Variants in PNMT observed in about 807,000 individuals in gnomAD.
PNMT encodes the protein noradrenaline N-methyltransferase.
A neutral mutation model predicts 18.9 loss-of-function variants in PNMT; 18 were observed. The observed-to-expected ratio is 0.95, with a 90% CI of 0.66 to 1.41. PNMT has a LOEUF of 1.41. Ranked by LOEUF, PNMT falls within the 40% of genes most tolerant of loss-of-function variation. PNMT has a pLI of 0.00. For missense variants in PNMT, 378 were observed against 387.0 expected (o/e 0.98, Z 0.20); for synonymous variants, 167 against 168.6 (o/e 0.99, Z 0.08).
intron 2 of PNMT, 28 bp downstream of exon 2, chr17:39,669,864 AG>A: frequency 6.2e-7 from 1 of 1,604,566 alleles, no homozygotes; most frequent in Non-Finnish European, 8.5e-7. Flanking sequence ...AGGGTTGGGG[AG>A]GAGGCTTCCC....
At chr17:39,669,264 G>A (rs575196671) in intron 1 of PNMT, among the ~76,000 whole-genome samples, 85 of 152,088 alleles carry the variant, frequency 5.6e-4, no homozygotes, top group African/African-American at 1.9e-3. Context: ...TGTATTTTTA[G>A]TAGAGACGGG....
chr17:39,670,030 C>T lies in PNMT; in HGVS notation c.490C>T (p.Pro164Ser). The T allele has an allele frequency of 1.9e-6, 3 of 1,605,998 alleles. No homozygotes were observed. The highest frequency in any genetic ancestry group is 1.7e-6 in the Non-Finnish European group (2 of 1,179,904). The change falls in exon 3 of 3, where the codon CCC becomes TCC. Residue 164 changes from proline (P) to serine (S), a missense_variant. By Grantham distance (74) the Pro-to-Ser change is moderately conservative. Transcript: ENST00000269582. ...GCCCATCGACGTGCACCAGCCCCAG[C>T]CCCTGGGTGCTGGGAGCCCAGCTCC... ...VLPIDVHQPQ[P>S]LGAGSPAPLP...
chr17:39,668,258 G>A (rs991215108), upstream of PNMT: 155 of 428,692 alleles, frequency 3.6e-4, no homozygotes, highest in Middle Eastern at 1.8e-3. Context: ...TGTGGGGGAC[G>A]ATTGCCGCTG....
At chr17:39,669,041 TTC>T (rs1197499313) in intron 1 of PNMT, among the ~76,000 whole-genome samples, 6 of 152,078 alleles carry the variant, frequency 3.9e-5, no homozygotes, top group African/African-American at 1.4e-4. Context: ...GTTGTTTTCT[TTC>T]TTTTTCTTTA....
rs2057289373 is a variant in PNMT, at chr17:39,670,324, C to CTT, written c.785_786dup (p.Gln263PhefsTer5). 1 of 1,610,654 alleles carries CTT rather than the reference C, an allele frequency of 6.2e-7. No homozygotes were observed. On this transcript the variant is annotated frameshift_variant, in exon 3 of 3. Coordinates refer to ENST00000269582, the MANE Select transcript of PNMT (RefSeq NM_002686.4). LOFTEE classifies it high-confidence loss of function. ...CCGCACCTATATCATGCCTGCCCAC[C>CTT]TTCAGACAGGCGTAGATGATGTCAA...
At position 39,669,671 on chromosome 17, in the gene PNMT, C is replaced by T; in HGVS notation, c.245C>T (p.Pro82Leu). ...ACCCTCATCGACATTGGTTCAGGCC[C>T]CACCGTGTACCAGCTGCTCAGTGCC... ...GRTLIDIGSG[P>L]TVYQLLSACS... is the part of the protein sequence containing the mutation. Residue 82 changes from proline (P) to leucine (L), a missense_variant, in exon 2 of 3, where the codon CCC becomes CTC. By Grantham distance (98) the Pro-to-Leu change is moderately conservative. Coordinates refer to ENST00000269582, the MANE Select transcript of PNMT (RefSeq NM_002686.4). 1 of 1,614,124 alleles carries T rather than the reference C, an allele frequency of 6.2e-7. No homozygotes were observed. Among genetic ancestry groups the T allele is most frequent in the Non-Finnish European group, 8.5e-7 (1 of 1,180,002 alleles).
chr17:39,668,660 C>G lies in PNMT; in HGVS notation c.185C>G (p.Ala62Gly). ...GGGCCGTGGAAGCTGCGCTGCTTGG[C>G]GCAGACCTTCGCCACCGGTGAGCGG... ...GVGPWKLRCLAQTFATGEVSG... is the reference protein window; with the variant it reads ...GVGPWKLRCLGQTFATGEVSG... The change falls in exon 1 of 3, where the codon GCG (alanine) becomes GGG (glycine). Residue 62 changes from alanine to glycine, a missense_variant. Transcript: ENST00000269582. 3 of 1,581,890 alleles carry G rather than the reference C, an allele frequency of 1.9e-6. No homozygotes were observed. Among genetic ancestry groups the G allele is most frequent in the Non-Finnish European group, 2.6e-6 (3 of 1,162,872 alleles).
Position 39,669,947 on chromosome 17 carries a change from A to G in PNMT, c.411-4A>G. 6.3e-7 allele frequency: 1 copy of G among 1,598,416 alleles called. No individual in the cohort carries two copies. ...TTGAGCCCTGCCTTGTGCCTCCTGCACAGGGAATGCTGGCAGGATAAGGAG... is the reference window on the plus strand; with the variant it reads ...TTGAGCCCTGCCTTGTGCCTCCTGCGCAGGGAATGCTGGCAGGATAAGGAG... On this transcript the variant is annotated splice_polypyrimidine_tract_variant and splice_region_variant and intron_variant, in intron 2 of 2. Coordinates refer to ENST00000269582, the MANE Select transcript of PNMT (RefSeq NM_002686.4).
In PNMT at chr17:39,670,195, G is replaced by A. The variant is rs756591344; in HGVS notation, c.655G>A (p.Glu219Lys). The change falls in exon 3 of 3, where the codon GAG becomes AAG. Residue 219 changes from glutamate to lysine, a missense_variant. Transcript: ENST00000269582. The part of the protein sequence containing the change: ...GHLLLIGALE[E>K]SWYLAGEARL... The stretch of plus-strand genomic sequence containing the variant: ...CCTCCTCCTCATCGGGGCCCTGGAG[G>A]AGTCGTGGTACCTGGCTGGGGAGGC... 1 of 1,612,158 alleles carries A rather than the reference G, an allele frequency of 6.2e-7. No homozygotes were observed. The highest frequency in any genetic ancestry group is 1.1e-5 in the South Asian group (1 of 90,896).
In PNMT at chr17:39,669,642, A is replaced by ACG; in HGVS notation, c.218_219dup (p.Thr74AlafsTer27). On this transcript the variant is annotated frameshift_variant, in exon 2 of 3. Transcript: ENST00000269582. LOFTEE classifies it high-confidence loss of function. ...TGCCCTGCCCAGGTGAAGTGTCCGG[A>ACG]CGCACCCTCATCGACATTGGTTCAG... 1 of 1,613,994 alleles carries ACG rather than the reference A, an allele frequency of 6.2e-7. No homozygotes were observed. The highest frequency in any genetic ancestry group is 1.1e-5 in the South Asian group (1 of 91,074).
In PNMT at chr17:39,669,027, T is replaced by C. The variant is rs1176638456; in HGVS notation, c.202+350T>C. Among the ~76,000 whole-genome samples the C allele has an allele frequency of 3.3e-5, 5 of 152,000 alleles. No homozygotes were observed. The East Asian group carries it at 9.6e-4, about 29-fold the overall frequency. On this transcript the variant is annotated intron_variant, in intron 1 of 2. Coordinates refer to ENST00000269582, the MANE Select transcript of PNMT (RefSeq NM_002686.4). ...TTCCTCGCTGAGCCTGGCTGGTAGGTATAGTTGTTTTCTTTCTTTTTCTTT... is the reference window on the plus strand; with the variant it reads ...TTCCTCGCTGAGCCTGGCTGGTAGGCATAGTTGTTTTCTTTCTTTTTCTTT...
intron 1 of PNMT, 130 bp downstream of exon 1, chr17:39,668,807 A>G: frequency 1.5e-6 from 1 of 685,246 alleles, no homozygotes; most frequent in Non-Finnish European, 2.4e-6. Flanking sequence ...AACAAGAGAT[A>G]GCTGAGAGGT....
In PNMT at chr17:39,670,307, A is replaced by G. The variant is rs1413252104; in HGVS notation, c.767A>G (p.Tyr256Cys). 1.2e-6 allele frequency: 2 copies of G among 1,610,848 alleles called. No homozygotes were observed. The highest frequency in any genetic ancestry group is 1.7e-6 in the Non-Finnish European group (2 of 1,179,490). ...TACAAGGTCCGGGACCTCCGCACCT[A>G]TATCATGCCTGCCCACCTTCAGACA... ...SGYKVRDLRT[Y>C]IMPAHLQTGV... The change falls in exon 3 of 3, where the codon TAT becomes TGT. Residue 256 changes from tyrosine to cysteine, a missense_variant. Transcript: ENST00000269582.
At chr17:39,668,887 G>C (rs1489221148) in intron 1 of PNMT, among the ~76,000 whole-genome samples, 1 of 150,198 alleles carries the variant, frequency 6.7e-6, no homozygotes, top group Non-Finnish European at 1.5e-5. Context: ...GGAGAGAGGG[G>C]GCGGAGAGTG....
Position 39,670,334 on chromosome 17 carries a change from G to C in PNMT, c.794G>C (p.Gly265Ala). Residue 265 changes from glycine (G) to alanine (A), a missense_variant, in exon 3 of 3, where the codon GGC becomes GCC. Physicochemically the swap from Gly to Ala is moderately conservative, Grantham distance 60 (BLOSUM62 0). Coordinates refer to ENST00000269582, the MANE Select transcript of PNMT (RefSeq NM_002686.4). The part of the protein sequence containing the change: ...TYIMPAHLQT[G>A]VDDVKGVFFA... Reference sequence around the variant, plus strand: ...ATCATGCCTGCCCACCTTCAGACAGGCGTAGATGATGTCAAGGGCGTCTTC... The same window carrying C: ...ATCATGCCTGCCCACCTTCAGACAGCCGTAGATGATGTCAAGGGCGTCTTC... 1.2e-6 allele frequency: 2 copies of C among 1,607,260 alleles called. No homozygotes were observed. The highest frequency in any genetic ancestry group is 1.7e-6 in the Non-Finnish European group (2 of 1,176,712).
intron 1 of PNMT, among the ~76,000 whole-genome samples, chr17:39,669,143 C>T (rs191595124): frequency 4.9e-4 from 75 of 152,194 alleles, no homozygotes; most frequent in African/African-American, 1.7e-3. Context: ...TACAATGGCG[C>T]CATCTCGGCT....
At position 39,670,278 on chromosome 17, in the gene PNMT, T is replaced by G. The variant is rs1283082098; in HGVS notation, c.738T>G (p.Ser246Arg). The change falls in exon 3 of 3, where the codon AGT becomes AGG. Residue 246 changes from serine (S) to arginine (R), a missense_variant. Transcript: ENST00000269582. ...AGGTGAGGGAGGCCCTGGTGCGTAGTGGCTACAAGGTCCGGGACCTCCGCA... is the reference window on the plus strand; with the variant it reads ...AGGTGAGGGAGGCCCTGGTGCGTAGGGGCTACAAGGTCCGGGACCTCCGCA... ...EEEVREALVR[S>R]GYKVRDLRTY... is the part of the protein sequence containing the mutation. The G allele has an allele frequency of 6.2e-7, 1 of 1,609,744 alleles. No individual in the cohort carries two copies. Among genetic ancestry groups the G allele is most frequent in the Admixed American group, 1.7e-5 (1 of 59,686 alleles).
chr17:39,670,186 G>A lies in PNMT; in HGVS notation c.646G>A (p.Ala216Thr), dbSNP rs766933784. Reference protein sequence around the residue: ...RPGGHLLLIGALEESWYLAGE... With the variant: ...RPGGHLLLIGTLEESWYLAGE... ...TGGGGGGCACCTCCTCCTCATCGGG[G>A]CCCTGGAGGAGTCGTGGTACCTGGC... Residue 216 changes from alanine to threonine, a missense_variant, in exon 3 of 3, where the codon GCC becomes ACC. Physicochemically the swap from Ala to Thr is moderately conservative, Grantham distance 58. Coordinates refer to ENST00000269582, the MANE Select transcript of PNMT (RefSeq NM_002686.4). 6.2e-7 allele frequency: 1 copy of A among 1,612,198 alleles called. No individual in the cohort carries two copies. Among genetic ancestry groups the A allele is most frequent in the South Asian group, 1.1e-5 (1 of 90,966 alleles).
rs1310309094 is a variant in PNMT, at chr17:39,669,853, G to A, written c.410+17G>A. 1 of 1,606,840 alleles carries A rather than the reference G, an allele frequency of 6.2e-7. No individual in the cohort carries two copies. The highest frequency in any genetic ancestry group is 2.2e-5 in the East Asian group (1 of 44,760). ...GGGCAAGGGGTAAGGACTGGGGGGT[G>A]AGGGTTGGGGAGGAGGCTTCCCATA... On this transcript the variant is annotated intron_variant, in intron 2 of 2. Coordinates refer to ENST00000269582, the MANE Select transcript of PNMT (RefSeq NM_002686.4).
Sources: allele counts gnomAD v4.1 joint callset (sites outside exome capture counted in the v4.1 genomes callset), GRCh38; gene constraint gnomAD v4.1.1; transcripts MANE v1.5; gene names NCBI Gene and HGNC (gene_info 2026-07-23, HGNC 2026-07-21).